The following CRYBG1 variants were observed in gnomAD, a reference collection of about 807,000 sequenced individuals.
CRYBG1 encodes crystallin beta-gamma domain containing 1.
A neutral mutation model predicts 189.2 loss-of-function variants in CRYBG1; 139 were observed. The observed-to-expected ratio is 0.73, with a 90% CI of 0.64 to 0.85. The LOEUF (loss-of-function observed/expected upper bound fraction) is 0.85. Among genes scored for constraint, CRYBG1 ranks in the 40% least tolerant of loss-of-function variants. The probability of loss-of-function intolerance (pLI) is 0.00; values close to 1 mark genes in which losing one functional copy is unlikely to be tolerated. For synonymous variants in CRYBG1, 1,023 were observed against 1,017.1 expected, an observed-to-expected ratio of 1.01 and a Z score of -0.11; for missense variants, 2,611 against 2,675.8, an observed-to-expected ratio of 0.98 and a Z score of 0.53.
chr6:106,458,542 T>C (rs1771937176), intron 2 of CRYBG1, among the ~76,000 whole-genome samples: 1 of 152,232 alleles, frequency 6.6e-6, no homozygotes, highest in African/African-American at 2.4e-5. Context: ...ACTGCATTTG[T>C]ATGACTGGAA....
intron 10 of CRYBG1, among the ~76,000 whole-genome samples, chr6:106,542,592 T>A (rs1211945849): frequency 1.4e-5 from 2 of 147,970 alleles, no homozygotes; most frequent in Non-Finnish European, 3.0e-5. Flanking sequence ...GTTAATTTTT[T>A]AAAATATGAT....
chr6:106,433,735 A>ATG (rs1562305772), intron 1 of CRYBG1, among the ~76,000 whole-genome samples: 6 of 84,020 alleles, frequency 7.1e-5, no homozygotes, highest in African/African-American at 3.0e-4. Context: ...ATATATATAT[A>ATG]CATATATATG....
intron 1 of CRYBG1, among the ~76,000 whole-genome samples, chr6:106,377,648 T>TATATATATATATA (rs56394821): frequency 2.7e-5 from 4 of 146,682 alleles, no homozygotes; most frequent in African/African-American, 1.0e-4. Context: ...TATATATATA[T>TATATATATATATA]TTTCATTTGC....
Position 106,541,633 on chromosome 6 carries a change from T to C in CRYBG1, c.4881+12T>C, listed in dbSNP as rs768716868. 2 of 1,582,552 alleles carry C rather than the reference T, an allele frequency of 1.3e-6. No individual in the cohort carries two copies. The highest frequency in any genetic ancestry group is 1.7e-5 in the Admixed American group (1 of 59,786). On this transcript the variant is annotated intron_variant, in intron 10 of 21. Coordinates refer to ENST00000633556, the MANE Select transcript of CRYBG1 (RefSeq NM_001371242.2). ...CTACAGATCCAAAGGTAAAAATATA[T>C]ATGTATTTTTGTATGTATGTATATG...
At chr6:106,478,686 G>A (rs1329194551) in intron 2 of CRYBG1, among the ~76,000 whole-genome samples, 1 of 152,162 alleles carries the variant, frequency 6.6e-6, no homozygotes, top group Non-Finnish European at 1.5e-5. Context: ...TTAGGAACTG[G>A]GCTGCACAGC....
At position 106,440,269 on chromosome 6, in the gene CRYBG1, T is replaced by TCTCTCTC. The variant is rs894820555; in HGVS notation, c.174-11425_174-11424insCTCTCTC. 6.1e-3 allele frequency among the ~76,000 whole-genome samples: 328 copies of TCTCTCTC among 53,672 alleles called. 1 individual carries two copies. Among genetic ancestry groups the TCTCTCTC allele is most frequent in the Admixed American group, 9.9e-3 (46 of 4,648 alleles). 35.2% of individuals were successfully genotyped at this position (53,672 alleles called of 152,430 possible). ...CTCTCTCTCTCTCTCTCTCTCTCTC[T>TCTCTCTC]TTTTTTTTCTTTTGAGACAGAGTCT... On this transcript the variant is annotated intron_variant, in intron 1 of 21. Transcript: ENST00000633556.
intron 1 of CRYBG1, among the ~76,000 whole-genome samples, chr6:106,396,520 C>T (rs1166327608): frequency 6.6e-6 from 1 of 152,140 alleles, no homozygotes; most frequent in East Asian, 1.9e-4. Context: ...AAACTTAGCA[C>T]CAGAGATAGA....
chr6:106,439,855 G>A (rs1468941649), intron 1 of CRYBG1, among the ~76,000 whole-genome samples: 14 of 152,222 alleles, frequency 9.2e-5, no homozygotes, highest in South Asian at 2.1e-4. Context: ...ATATGTTCCC[G>A]GAAAACCTAG....
chr6:106,549,025 A>T (rs1328422182), intron 13 of CRYBG1, among the ~76,000 whole-genome samples: 4 of 151,624 alleles, frequency 2.6e-5, no homozygotes, highest in Non-Finnish European at 4.4e-5. Context: ...TCGTTTGCTG[A>T]GAATGATGGT....
chr6:106,366,430 G>A (rs953924188), intron 1 of CRYBG1, among the ~76,000 whole-genome samples: 3 of 152,176 alleles, frequency 2.0e-5, no homozygotes, highest in Admixed American at 6.5e-5. Context: ...AGTTTACCCC[G>A]ATAACTTCTG....
chr6:106,381,688 C>T (rs1582731811), intron 1 of CRYBG1, among the ~76,000 whole-genome samples: 1 of 152,066 alleles, frequency 6.6e-6, no homozygotes, highest in Non-Finnish European at 1.5e-5. Context: ...AGAACTATGC[C>T]GTCTTTGGGG....
chr6:106,551,201 T>A (rs1364939028), intron 13 of CRYBG1, among the ~76,000 whole-genome samples: 1 of 152,074 alleles, frequency 6.6e-6, no homozygotes, highest in African/African-American at 2.4e-5. Flanking sequence ...ATGACCAATG[T>A]TTAGCTCCCA....
chr6:106,545,017 G>T, intron 13 of CRYBG1, 84 bp downstream of exon 13: 1 of 1,096,480 alleles, frequency 9.1e-7, no homozygotes, highest in South Asian at 1.7e-5. Context: ...TCACAGAGTA[G>T]GCATTCAATA....
intron 15 of CRYBG1, 74 bp downstream of exon 15, chr6:106,552,290 T>C (rs1774421011): frequency 8.7e-7 from 1 of 1,150,216 alleles, no homozygotes; most frequent in Non-Finnish European, 1.2e-6. Flanking sequence ...ATGTTTCAAA[T>C]GTCAGACATT....
intron 2 of CRYBG1, chr6:106,455,043 C>A (rs947341941): frequency 4.6e-5 from 7 of 152,126 alleles, no homozygotes; most frequent in African/African-American, 7.2e-5. Flanking sequence ...AGTGTAACTA[C>A]AAATTAGAAT....
intron 1 of CRYBG1, among the ~76,000 whole-genome samples, chr6:106,414,487 A>G (rs1770986209): frequency 6.6e-6 from 1 of 152,272 alleles, no homozygotes; most frequent in Non-Finnish European, 1.5e-5. Context: ...GAGGTCAATG[A>G]TGCTAGAAGA....
At chr6:106,373,290 A>G (rs17251215) in intron 1 of CRYBG1, among the ~76,000 whole-genome samples, 31,975 of 152,116 alleles carry the variant, frequency 0.21, 3,827 homozygotes, top group Non-Finnish European at 0.27. Context: ...TGTTAACTAA[A>G]CCTGTTGCAC....
chr6:106,487,540 G>T (rs1772619090), intron 2 of CRYBG1, among the ~76,000 whole-genome samples: 1 of 152,142 alleles, frequency 6.6e-6, no homozygotes, highest in African/African-American at 2.4e-5. Flanking sequence ...TGTTGTTGAA[G>T]CTCTCAATGG....
intron 2 of CRYBG1, among the ~76,000 whole-genome samples, chr6:106,474,867 AC>A (rs1481006944): frequency 3.9e-5 from 6 of 152,238 alleles, no homozygotes; most frequent in Non-Finnish European, 5.9e-5. Flanking sequence ...GAGTTTGTTA[AC>A]TTGATTTGAA....
Sources: gnomAD v4.1 joint callset for allele counts (sites outside exome capture counted in the v4.1 genomes callset) on GRCh38, gnomAD v4.1.1 for gene constraint, MANE v1.5 for transcripts, NCBI Gene and HGNC (gene_info 2026-07-23, HGNC 2026-07-21) for gene names.